Variants in WDFY3 observed in about 807,000 individuals in gnomAD.
The protein encoded by WDFY3 is WD repeat and FYVE domain containing 3.
A neutral mutation model predicts 409.6 loss-of-function variants in WDFY3; 66 were observed. The ratio of observed to expected loss-of-function variants is 0.16; its 90% CI spans 0.13 to 0.20. The LOEUF (loss-of-function observed/expected upper bound fraction) is 0.20. WDFY3 is among the 10% of genes least tolerant of loss of function. The pLI is 1.00. For synonymous variants in WDFY3, 1,521 were observed against 1,537.1 expected, an observed-to-expected ratio of 0.99 and a Z score of 0.25; for missense variants, 3,031 against 4,298.1, an observed-to-expected ratio of 0.71 and a Z score of 8.24.
At chr4:84,813,145 C>T (rs573043592) in intron 13 of WDFY3, among the ~76,000 whole-genome samples, 98 of 152,082 alleles carry the variant, frequency 6.4e-4, no homozygotes, top group African/African-American at 2.3e-3. Flanking sequence ...AATTAAATTA[C>T]ATAGGTCTGT....
intron 42 of WDFY3, among the ~76,000 whole-genome samples, chr4:84,735,703 C>G (rs1381594417): frequency 6.6e-6 from 1 of 152,196 alleles, no homozygotes; most frequent in South Asian, 2.1e-4. Flanking sequence ...CTATTTCTCT[C>G]AGATCCTTTT....
At chr4:84,795,845 T>C (rs539471387) in intron 19 of WDFY3, among the ~76,000 whole-genome samples, 6 of 152,316 alleles carry the variant, frequency 3.9e-5, no homozygotes, top group African/African-American at 9.6e-5. Flanking sequence ...TTTTAGGCTG[T>C]TGAACTTCAT....
chr4:84,794,764 C>A (rs1351762980), intron 20 of WDFY3, 27 bp from the exon 21 acceptor site: 1 of 1,568,690 alleles, frequency 6.4e-7, no homozygotes, highest in South Asian at 1.2e-5. Context: ...AAAAAAAAGT[C>A]TGTGTTGATT....
At chr4:84,936,285 C>T (rs1579199866) in intron 1 of WDFY3, among the ~76,000 whole-genome samples, 1 of 152,046 alleles carries the variant, frequency 6.6e-6, no homozygotes, top group Admixed American at 6.6e-5. Context: ...CTTTGTGAGG[C>T]TGAGGCAGGA....
At chr4:84,757,330 T>G (rs1490226784) in intron 32 of WDFY3, among the ~76,000 whole-genome samples, 169 bp from the exon 33 acceptor site, 1 of 152,240 alleles carries the variant, frequency 6.6e-6, no homozygotes, top group Non-Finnish European at 1.5e-5. Context: ...GTTAAAAGTT[T>G]TACTTTACAA....
At chr4:84,711,813 T>C (rs1732949275) in intron 51 of WDFY3, among the ~76,000 whole-genome samples, 1 of 151,260 alleles carries the variant, frequency 6.6e-6, no homozygotes, top group Non-Finnish European at 1.5e-5. Flanking sequence ...ATGGTGCCAC[T>C]GCACTCCAGC....
At chr4:84,837,329 T>G (rs917413904) in intron 6 of WDFY3, among the ~76,000 whole-genome samples, 1 of 152,162 alleles carries the variant, frequency 6.6e-6, no homozygotes, top group African/African-American at 2.4e-5. Flanking sequence ...TAATATTTAT[T>G]TATTAAAAAG....
chr4:84,707,918 G>C (rs947082304), intron 53 of WDFY3, among the ~76,000 whole-genome samples: 2 of 152,080 alleles, frequency 1.3e-5, no homozygotes, highest in African/African-American at 4.8e-5. Context: ...ATTTTCTGAG[G>C]ATAGTTTTAT....
intron 6 of WDFY3, 87 bp from the exon 7 acceptor site, chr4:84,837,177 TTATA>T: frequency 8.4e-7 from 1 of 1,185,988 alleles, no homozygotes; most frequent in Non-Finnish European, 1.1e-6. Context: ...AACCCAAAAA[TTATA>T]TATAAAGGTA....
intron 41 of WDFY3, among the ~76,000 whole-genome samples, chr4:84,736,748 C>T (rs1026281487): frequency 2.0e-5 from 3 of 152,062 alleles, no homozygotes; most frequent in South Asian, 2.1e-4. Flanking sequence ...TAATTTAATA[C>T]GTCAATATTA....
At position 84,691,612 on chromosome 4, in the gene WDFY3, G is replaced by T. The variant is rs762500959; in HGVS notation, c.9204+19C>A. 2 of 1,611,316 alleles carry T rather than the reference G, an allele frequency of 1.2e-6. No individual in the cohort carries two copies. Among genetic ancestry groups the T allele is most frequent in the Admixed American group, 1.7e-5 (1 of 59,866 alleles). On this transcript the variant is annotated intron_variant, in intron 60 of 67. Transcript: ENST00000295888. ...ACAAAAGAGCAATATTAAATGAGTA[G>T]GCAGGAAATAATGCAAACCTTGTCT... is the stretch of plus-strand genomic sequence containing the variant.
chr4:84,896,583 C>T (rs966021894), intron 3 of WDFY3, among the ~76,000 whole-genome samples: 34 of 151,978 alleles, frequency 2.2e-4, no homozygotes, highest in Non-Finnish European at 1.0e-4. Context: ...AGTAAATATC[C>T]CACTACAGGG....
At chr4:84,689,712 C>T (rs115908235) in intron 61 of WDFY3, among the ~76,000 whole-genome samples, 16 of 152,162 alleles carry the variant, frequency 1.1e-4, no homozygotes, top group African/African-American at 3.6e-4. Context: ...GTCTTGACCA[C>T]TCTAACCTGT....
intron 3 of WDFY3, among the ~76,000 whole-genome samples, chr4:84,871,653 T>C (rs1244413361): frequency 6.6e-6 from 1 of 152,152 alleles, no homozygotes; most frequent in African/African-American, 2.4e-5. Flanking sequence ...TTTTCTTTTT[T>C]TGAGACAGGA....
intron 3 of WDFY3, among the ~76,000 whole-genome samples, chr4:84,871,827 T>G (rs1317473077): frequency 6.6e-6 from 1 of 152,020 alleles, no homozygotes; most frequent in Non-Finnish European, 1.5e-5. Context: ...TAGAGCTAGG[T>G]ATTTGCCATG....
At chr4:84,890,491 T>C (rs1764804578) in intron 3 of WDFY3, among the ~76,000 whole-genome samples, 1 of 152,232 alleles carries the variant, frequency 6.6e-6, no homozygotes, top group Non-Finnish European at 1.5e-5. Context: ...ACAGAGATCC[T>C]AGTACCCAGT....
chr4:84,808,870 T>C (rs1284428510), intron 14 of WDFY3: 1 of 152,230 alleles, frequency 6.6e-6, no homozygotes, highest in African/African-American at 2.4e-5. Flanking sequence ...TTTTTTACAA[T>C]TGTTGTCAAA....
At chr4:84,903,815 GAC>G (rs1294538714) in intron 2 of WDFY3, among the ~76,000 whole-genome samples, 1 of 152,100 alleles carries the variant, frequency 6.6e-6, no homozygotes, top group Non-Finnish European at 1.5e-5. Flanking sequence ...AGATATTTAA[GAC>G]ACTACGCTAT....
At chr4:84,914,233 A>C (rs187692161) in intron 2 of WDFY3, among the ~76,000 whole-genome samples, 31 of 152,206 alleles carry the variant, frequency 2.0e-4, no homozygotes, top group Middle Eastern at 3.4e-3. Context: ...CAGCCTGGCC[A>C]ACATAGTAAA....
Sources: allele counts gnomAD v4.1 joint callset (sites outside exome capture counted in the v4.1 genomes callset), GRCh38; gene constraint gnomAD v4.1.1; transcripts MANE v1.5; gene names NCBI Gene and HGNC (gene_info 2026-07-23, HGNC 2026-07-21).